The following JARID2 variants were observed in gnomAD, a reference collection of about 807,000 sequenced individuals.
JARID2 encodes jumonji and AT-rich interaction domain containing 2.
A neutral mutation model predicts 125.6 loss-of-function variants in JARID2; 21 were observed. The observed-to-expected ratio is 0.17, with a 90% CI of 0.12 to 0.24. The LOEUF (loss-of-function observed/expected upper bound fraction) is 0.24, where lower values mean the gene tolerates loss of function less well. Among genes scored for constraint, JARID2 ranks in the 10% least tolerant of loss-of-function variants. The pLI, the probability that JARID2 is intolerant of heterozygous loss-of-function variation, is 1.00. For synonymous variants in JARID2, 736 were observed against 661.6 expected (o/e 1.11, Z -1.73); for missense variants, 1,303 against 1,639.6 (o/e 0.79, Z 3.55).
Position 15,517,194 on chromosome 6 carries a change from C to T in JARID2, c.3484C>T (p.Leu1162=). 1 of 1,614,090 alleles carries T rather than the reference C, an allele frequency of 6.2e-7. No homozygotes were observed. Among genetic ancestry groups the T allele is most frequent in the South Asian group, 1.1e-5 (1 of 91,082 alleles). The part of the protein sequence containing the change: ...VQENENVVFC[L]ECALRHVEKQ... ...AGAGAACGAAAACGTCGTGTTCTGT[C>T]TGGAGTGTGCTCTGCGCCACGTGGA... The change falls in exon 17 of 18, where the codon CTG becomes TTG. Residue 1162 remains leucine (L), a synonymous_variant. Coordinates refer to ENST00000341776, the MANE Select transcript of JARID2 (RefSeq NM_004973.4).
chr6:15,481,050 AT>A (rs1250014326), intron 5 of JARID2, among the ~76,000 whole-genome samples: 8 of 152,214 alleles, frequency 5.3e-5, no homozygotes, highest in Admixed American at 5.2e-4. Context: ...GCTATTAAAT[AT>A]GTTTCTAAAG....
chr6:15,424,184 T>C (rs1766625235), intron 3 of JARID2, among the ~76,000 whole-genome samples: 1 of 151,376 alleles, frequency 6.6e-6, no homozygotes, highest in Non-Finnish European at 1.5e-5. Context: ...CCCACATTAG[T>C]CTCAAACTCC....
At chr6:15,460,914 A>G (rs1037230780) in intron 4 of JARID2, among the ~76,000 whole-genome samples, 1 of 152,214 alleles carries the variant, frequency 6.6e-6, no homozygotes, top group Non-Finnish European at 1.5e-5. Context: ...CATGTTGACC[A>G]GACTGGTCTT....
intron 8 of JARID2, among the ~76,000 whole-genome samples, chr6:15,502,849 A>G (rs1241933397): frequency 6.6e-6 from 1 of 152,198 alleles, no homozygotes; most frequent in East Asian, 1.9e-4. Context: ...CAGCCTGCCA[A>G]GTGTGACCCA....
At chr6:15,498,537 C>T (rs538476967) in intron 7 of JARID2, among the ~76,000 whole-genome samples, 12 of 152,178 alleles carry the variant, frequency 7.9e-5, no homozygotes, top group Non-Finnish European at 1.3e-4. Flanking sequence ...CCCCATCAGT[C>T]TAGACCCATG....
Position 15,419,413 on chromosome 6 carries a change from G to A in JARID2, c.323+9048G>A, listed in dbSNP as rs537914387. ...TATAAAGTAAATATGGGTAAATCTC[G>A]CCTATCTTCTGTTTCAAGTTATCTA... On this transcript the variant is annotated intron_variant, in intron 3 of 17. Transcript: ENST00000341776. Among the ~76,000 whole-genome samples, 31 of 152,140 alleles carry A rather than the reference G, an allele frequency of 2.0e-4. No individual in the cohort carries two copies. The South Asian group carries it at 3.5e-3, about 17-fold the overall frequency.
intron 2 of JARID2, among the ~76,000 whole-genome samples, chr6:15,400,158 C>T (rs1226316312): frequency 6.6e-6 from 1 of 152,052 alleles, no homozygotes; most frequent in African/African-American, 2.4e-5. Flanking sequence ...TAGATTAGAT[C>T]AATTTATGTG....
chr6:15,310,795 C>T (rs1581397977), intron 1 of JARID2, among the ~76,000 whole-genome samples: 1 of 152,176 alleles, frequency 6.6e-6, no homozygotes, highest in Non-Finnish European at 1.5e-5. Flanking sequence ...TAAAATAAAT[C>T]TTGGATGTGA....
rs765841196 is a variant in JARID2, at chr6:15,387,108, T to A, written c.181+12856T>A. On this transcript the variant is annotated intron_variant, in intron 2 of 17. Transcript: ENST00000341776. ...TGGAGCTAGGGTCCCAGACTTGGCT[T>A]TTTTCCCCAGAGGCACTCTATAGAG... Among the ~76,000 whole-genome samples, 11 of 152,122 alleles carry A rather than the reference T, an allele frequency of 7.2e-5. 1 individual carries two copies. Among genetic ancestry groups the A allele is most frequent in the Non-Finnish European group, 1.0e-4 (7 of 68,026 alleles).
intron 3 of JARID2, among the ~76,000 whole-genome samples, chr6:15,450,072 C>T (rs762335744): frequency 7.2e-5 from 11 of 152,074 alleles, no homozygotes; most frequent in Non-Finnish European, 1.5e-4. Flanking sequence ...TTTTGAGCAT[C>T]AACAGTTTAA....
At chr6:15,419,584 T>C (rs1292314414) in intron 3 of JARID2, among the ~76,000 whole-genome samples, 1 of 152,230 alleles carries the variant, frequency 6.6e-6, no homozygotes, top group East Asian at 1.9e-4. Flanking sequence ...AAAAATACTT[T>C]TATGATAATT....
intron 4 of JARID2, among the ~76,000 whole-genome samples, chr6:15,453,101 A>G (rs1400913954): frequency 6.6e-6 from 1 of 152,216 alleles, no homozygotes; most frequent in Non-Finnish European, 1.5e-5. Flanking sequence ...TTTCCTTCAA[A>G]TAAGTACATT....
At chr6:15,318,879 C>T (rs1422752767) in intron 1 of JARID2, among the ~76,000 whole-genome samples, 2 of 152,164 alleles carry the variant, frequency 1.3e-5, no homozygotes, top group East Asian at 3.9e-4. Flanking sequence ...GGGCTGGAGC[C>T]AGACAGCCAT....
chr6:15,496,274 C>T lies in JARID2; in HGVS notation c.1049C>T (p.Thr350Ile). The change falls in exon 7 of 18, where the codon ACC (threonine) becomes ATC (isoleucine). Residue 350 changes from threonine to isoleucine, a missense_variant. Physicochemically the swap from Thr to Ile is moderately conservative, Grantham distance 89 (BLOSUM62 -1). Transcript: ENST00000341776. ...ATVTKGAVTY[T>I]KAKRELVKDT... ...GTGACGAAGGGGGCTGTCACATACA[C>T]CAAAGCCAAGAGAGAACTGGTCAAG... 1 of 1,614,152 alleles carries T rather than the reference C, an allele frequency of 6.2e-7. No individual in the cohort carries two copies. Among genetic ancestry groups the T allele is most frequent in the Non-Finnish European group, 8.5e-7 (1 of 1,180,036 alleles).
chr6:15,270,419 A>G (rs527950777), intron 1 of JARID2, among the ~76,000 whole-genome samples: 142 of 152,278 alleles, frequency 9.3e-4, no homozygotes, highest in African/African-American at 3.2e-3. Flanking sequence ...GGCACGAGCC[A>G]CTGCACCTGG....
chr6:15,511,379 A>G lies in JARID2; in HGVS notation c.2930A>G (p.Gln977Arg), dbSNP rs1176242286. 5.6e-6 allele frequency: 9 copies of G among 1,613,474 alleles called. No homozygotes were observed. The highest frequency in any genetic ancestry group is 7.6e-6 in the Non-Finnish European group (9 of 1,179,764). The change falls in exon 13 of 18, where the codon CAG (glutamine) becomes CGG (arginine). Residue 977 changes from glutamine (Q) to arginine (R), a missense_variant. Physicochemically the swap from Gln to Arg is conservative, Grantham distance 43 (BLOSUM62 1). Around this residue, in one of 11 missense-constraint regions of JARID2, gnomAD observed 190 missense variants for 341.4 expected, o/e 0.56. Coordinates refer to ENST00000341776, the MANE Select transcript of JARID2 (RefSeq NM_004973.4). ...LLQANGTPGL[Q>R]MLESNVMISP... is the part of the protein sequence containing the mutation. ...CAAGCCAATGGCACCCCAGGGCTGCAGATGCTGGAAAGCAACGTCATGGTG... is the reference window on the plus strand; with the variant it reads ...CAAGCCAATGGCACCCCAGGGCTGCGGATGCTGGAAAGCAACGTCATGGTG...
chr6:15,510,267 G>T (rs1237604914), intron 12 of JARID2, among the ~76,000 whole-genome samples: 1 of 152,110 alleles, frequency 6.6e-6, no homozygotes, highest in African/African-American at 2.4e-5. Context: ...GCCTGGGGAG[G>T]AGCCCCTCAG....
chr6:15,260,498 A>G (rs1277881812), intron 1 of JARID2, among the ~76,000 whole-genome samples: 1 of 152,222 alleles, frequency 6.6e-6, no homozygotes, highest in Non-Finnish European at 1.5e-5. Context: ...GGCTCTGGGC[A>G]TATCTAAGCC....
At position 15,246,594 on chromosome 6, in the gene JARID2, C is replaced by T. The variant is rs1315039651; in HGVS notation, c.45+10C>T. 7 of 1,606,832 alleles carry T rather than the reference C, an allele frequency of 4.4e-6. No individual in the cohort carries two copies. Among genetic ancestry groups the T allele is most frequent in the Non-Finnish European group, 5.1e-6 (6 of 1,173,588 alleles). ...CATTCAGAAGAAATACGTAAGTGCTCCTAACAACACATCCTTTGACTTGCA... is the reference window on the plus strand; with the variant it reads ...CATTCAGAAGAAATACGTAAGTGCTTCTAACAACACATCCTTTGACTTGCA... On this transcript the variant is annotated intron_variant, in intron 1 of 17. Coordinates refer to ENST00000341776, the MANE Select transcript of JARID2 (RefSeq NM_004973.4).
Sources: gnomAD v4.1 joint callset for allele counts (sites outside exome capture counted in the v4.1 genomes callset) on GRCh38, gnomAD v4.1.1 for gene constraint, gnomAD v4.1.1 regional missense constraint, MANE v1.5 for transcripts, NCBI Gene and HGNC (gene_info 2026-07-23, HGNC 2026-07-21) for gene names.